LHFPL2: variants seen among roughly 807,000 people sequenced by gnomAD.
LHFPL2 encodes LHFPL tetraspan subfamily member 2.
In LHFPL2, 7 loss-of-function variants were observed where a neutral mutation model predicts 17.5. That is an observed-to-expected ratio of 0.40 (90% CI 0.23 to 0.75). The LOEUF is 0.75. Ranked by LOEUF, LHFPL2 falls within the 30% of genes least tolerant of loss-of-function variation. LHFPL2 has a pLI of 0.37. For missense variants in LHFPL2, 241 were observed against 294.8 expected (o/e 0.82, Z 1.34); for synonymous variants, 134 against 116.2 (o/e 1.15, Z -0.99).
chr5:78,599,385 T>C (rs918005919), intron 2 of LHFPL2, among the ~76,000 whole-genome samples: 2 of 152,044 alleles, frequency 1.3e-5, no homozygotes, highest in Non-Finnish European at 2.9e-5. Context: ...CTGCAACCTC[T>C]GCCTTCCAAG....
intron 4 of LHFPL2, among the ~76,000 whole-genome samples, chr5:78,492,111 A>C (rs11952677): frequency 6.6e-6 from 1 of 152,002 alleles, no homozygotes; most frequent in Non-Finnish European, 1.5e-5. Flanking sequence ...CCAGGTCCTA[A>C]GGTGCCACTC....
chr5:78,561,477 C>A (rs1756724540), intron 3 of LHFPL2, among the ~76,000 whole-genome samples: 1 of 152,212 alleles, frequency 6.6e-6, no homozygotes, highest in Non-Finnish European at 1.5e-5. Flanking sequence ...CCAGGAAGAC[C>A]AACTCCCAGT....
intron 3 of LHFPL2, among the ~76,000 whole-genome samples, chr5:78,532,893 T>C (rs1012836586): frequency 6.6e-6 from 1 of 152,150 alleles, no homozygotes; most frequent in African/African-American, 2.4e-5. Context: ...TCCCCAATGG[T>C]GAGCCAGGCT....
At chr5:78,489,406 G>A (rs1264606743) in intron 4 of LHFPL2, among the ~76,000 whole-genome samples, 1 of 152,158 alleles carries the variant, frequency 6.6e-6, no homozygotes, top group East Asian at 1.9e-4. Flanking sequence ...AAAGCAAATT[G>A]GTACTTTTCT....
intron 4 of LHFPL2, among the ~76,000 whole-genome samples, chr5:78,500,568 C>CA (rs1277150770): frequency 1.3e-5 from 2 of 152,112 alleles, no homozygotes; most frequent in Admixed American, 1.3e-4. Context: ...ATGAAATTAG[C>CA]AAAGGTATTC....
chr5:78,590,322 A>G (rs1743583391), intron 2 of LHFPL2: 1 of 152,236 alleles, frequency 6.6e-6, no homozygotes, highest in Admixed American at 6.5e-5. Flanking sequence ...GAGCAGATAC[A>G]AACATAAGCA....
At chr5:78,536,084 C>G (rs1755943428) in intron 3 of LHFPL2, among the ~76,000 whole-genome samples, 1 of 152,144 alleles carries the variant, frequency 6.6e-6, no homozygotes, top group Non-Finnish European at 1.5e-5. Context: ...TTATCAGGAG[C>G]CCATATCAAG....
intron 1 of LHFPL2, among the ~76,000 whole-genome samples, chr5:78,632,648 T>C (rs1004599501): frequency 2.6e-5 from 4 of 152,216 alleles, no homozygotes; most frequent in African/African-American, 9.6e-5. Context: ...AGGTCTTCTA[T>C]ATGCCAGGTA....
At chr5:78,545,773 A>AT (rs2112383850) in intron 3 of LHFPL2, among the ~76,000 whole-genome samples, 1 of 152,370 alleles carries the variant, frequency 6.6e-6, no homozygotes, top group East Asian at 1.9e-4. Context: ...CTGACCGAAG[A>AT]TAACTTTCTG....
intron 2 of LHFPL2, among the ~76,000 whole-genome samples, chr5:78,568,782 G>C (rs1253949132): frequency 6.6e-6 from 1 of 152,142 alleles, no homozygotes; most frequent in Non-Finnish European, 1.5e-5. Flanking sequence ...CCTGAGACCT[G>C]AGGTCTATGC....
At chr5:78,493,668 A>G (rs1754518493) in intron 4 of LHFPL2, among the ~76,000 whole-genome samples, 1 of 152,224 alleles carries the variant, frequency 6.6e-6, no homozygotes. Flanking sequence ...GATACCAGTC[A>G]ATAAGAATGA....
At position 78,519,482 on chromosome 5, in the gene LHFPL2, G is replaced by A. The variant is rs2114977; in HGVS notation, c.-185-9084C>T. 3.3e-5 allele frequency among the ~76,000 whole-genome samples: 5 copies of A among 151,996 alleles called. No homozygotes were observed. The South Asian group carries it at 6.2e-4, about 19-fold the overall frequency. The stretch of plus-strand genomic sequence containing the variant: ...AGGACAAAACCCCTCACCTCCACCC[G>A]TCCAGGGCAATGAGCTCATCCAGAA... On this transcript the variant is annotated intron_variant, in intron 3 of 4. Transcript: ENST00000380345.
At chr5:78,636,258 C>T (rs150159210) in intron 1 of LHFPL2, among the ~76,000 whole-genome samples, 39 of 152,354 alleles carry the variant, frequency 2.6e-4, no homozygotes, top group African/African-American at 9.4e-4. Context: ...GTATAAATCA[C>T]AAATGCATTG....
intron 3 of LHFPL2, among the ~76,000 whole-genome samples, chr5:78,519,887 C>T (rs929238386): frequency 4.6e-5 from 7 of 152,212 alleles, no homozygotes; most frequent in African/African-American, 1.7e-4. Context: ...CCTTCAAATA[C>T]TAATTTCCCC....
At chr5:78,584,623 AG>A (rs1479403031) in intron 2 of LHFPL2, among the ~76,000 whole-genome samples, 1 of 152,142 alleles carries the variant, frequency 6.6e-6, no homozygotes, top group East Asian at 1.9e-4. Context: ...GACCCACTTG[AG>A]GAGGCAGTCT....
At chr5:78,605,368 G>A (rs1324131729) in intron 2 of LHFPL2, among the ~76,000 whole-genome samples, 1 of 152,206 alleles carries the variant, frequency 6.6e-6, no homozygotes, top group East Asian at 1.9e-4. Flanking sequence ...TCTGAGCAGG[G>A]TGACTTGTGT....
intron 2 of LHFPL2, among the ~76,000 whole-genome samples, chr5:78,619,592 C>T (rs1193571741): frequency 7.0e-6 from 1 of 143,620 alleles, no homozygotes; most frequent in Admixed American, 6.9e-5. Flanking sequence ...TGCTGGTGTG[C>T]TGCACCCATT....
intron 2 of LHFPL2, among the ~76,000 whole-genome samples, chr5:78,568,494 A>T (rs1480462522): frequency 6.6e-6 from 1 of 152,186 alleles, no homozygotes; most frequent in Non-Finnish European, 1.5e-5. Context: ...CAGGAAGCAG[A>T]GTTGTAAGAC....
At chr5:78,638,650 A>AAAGGCGG (rs1166545986) in intron 1 of LHFPL2, among the ~76,000 whole-genome samples, 1 of 152,206 alleles carries the variant, frequency 6.6e-6, no homozygotes, top group Non-Finnish European at 1.5e-5. Context: ...GCAAAGGCTG[A>AAAGGCGG]CGCACCCTTG....
Sources: gnomAD v4.1 joint callset for allele counts (sites outside exome capture counted in the v4.1 genomes callset) on GRCh38, gnomAD v4.1.1 for gene constraint, MANE v1.5 for transcripts, NCBI Gene and HGNC (gene_info 2026-07-23, HGNC 2026-07-21) for gene names.